The following PDGFD variants were observed in gnomAD, a reference collection of about 807,000 sequenced individuals.
PDGFD encodes platelet-derived growth factor D.
PDGFD carries 30 observed loss-of-function variants against 44.7 expected under a neutral mutation model. The observed-to-expected ratio is 0.67, with a 90% CI of 0.50 to 0.91. The LOEUF is 0.91. Among genes scored for constraint, PDGFD ranks in the 40% least tolerant of loss-of-function variants. The probability of loss-of-function intolerance (pLI) is 0.00; values close to 1 mark genes in which losing one functional copy is unlikely to be tolerated. For synonymous variants in PDGFD, 173 were observed against 168.4 expected (o/e 1.03, Z -0.21); for missense variants, 445 against 457.8 (o/e 0.97, Z 0.25).
At chr11:103,947,053 G>C (rs936744406) in intron 4 of PDGFD, among the ~76,000 whole-genome samples, 1 of 152,148 alleles carries the variant, frequency 6.6e-6, no homozygotes, top group African/African-American at 2.4e-5. Context: ...ACATAGGATT[G>C]GTGAAAACAA....
At chr11:104,098,856 A>T (rs971286359) in intron 1 of PDGFD, among the ~76,000 whole-genome samples, 1 of 152,028 alleles carries the variant, frequency 6.6e-6, no homozygotes, top group East Asian at 1.9e-4. Context: ...AAAATGCACA[A>T]TGTTATACAG....
Position 104,017,351 on chromosome 11 carries a change from TTTTTTG to T in PDGFD, c.125-17102_125-17097del, listed in dbSNP as rs1859874097. On this transcript the variant is annotated intron_variant, in intron 1 of 6. Coordinates refer to ENST00000393158, the MANE Select transcript of PDGFD (RefSeq NM_025208.5). ...AACATTCCTTGGGTGTTTTTCCGTT[TTTTTTG>T]TTTTTTTTTAAATTATCCAGTATAT... Among the ~76,000 whole-genome samples, 4 of 152,126 alleles carry T rather than the reference TTTTTTG, an allele frequency of 2.6e-5. No homozygotes were observed. In the South Asian group the frequency reaches 8.3e-4, roughly 32 times the overall value.
chr11:104,160,983 A>G (rs1425316453), intron 1 of PDGFD, among the ~76,000 whole-genome samples: 1 of 152,134 alleles, frequency 6.6e-6, no homozygotes, highest in Non-Finnish European at 1.5e-5. Context: ...GTTTTACTGT[A>G]TTAGGCTGGA....
At chr11:104,152,530 T>C (rs1862261315) in intron 1 of PDGFD, among the ~76,000 whole-genome samples, 1 of 152,134 alleles carries the variant, frequency 6.6e-6, no homozygotes, top group Non-Finnish European at 1.5e-5. Context: ...CCTTAATTTA[T>C]TTTTACCTCT....
At chr11:103,974,590 C>T (rs532424413) in intron 3 of PDGFD, among the ~76,000 whole-genome samples, 75 of 152,180 alleles carry the variant, frequency 4.9e-4, no homozygotes, top group African/African-American at 8.9e-4. Flanking sequence ...TTAAGCCCCG[C>T]GTGCATTAGG....
intron 1 of PDGFD, among the ~76,000 whole-genome samples, chr11:104,003,485 A>G (rs1859650511): frequency 6.6e-6 from 1 of 152,224 alleles, no homozygotes; most frequent in South Asian, 2.1e-4. Context: ...TGAGGGTAAC[A>G]AGGTCCTATT....
intron 1 of PDGFD, among the ~76,000 whole-genome samples, chr11:104,023,079 T>C (rs1434061213): frequency 6.6e-6 from 1 of 152,142 alleles, no homozygotes; most frequent in Non-Finnish European, 1.5e-5. Flanking sequence ...GTTACAGTCA[T>C]TTTGGGGGGC....
chr11:103,928,558 C>A (rs913937229), intron 5 of PDGFD, among the ~76,000 whole-genome samples: 3 of 152,206 alleles, frequency 2.0e-5, no homozygotes, highest in Non-Finnish European at 4.4e-5. Flanking sequence ...CCACTAACCG[C>A]ATCCCTGTTT....
intron 1 of PDGFD, among the ~76,000 whole-genome samples, chr11:104,042,839 C>T (rs1032654117): frequency 2.6e-5 from 4 of 152,152 alleles, no homozygotes; most frequent in African/African-American, 7.2e-5. Context: ...TATAAAGATC[C>T]GTTAAGATGC....
chr11:104,127,420 G>C (rs536571224), intron 1 of PDGFD, among the ~76,000 whole-genome samples: 1 of 152,206 alleles, frequency 6.6e-6, no homozygotes, highest in South Asian at 2.1e-4. Context: ...ATAGACACAA[G>C]GGGAAAAAGT....
intron 1 of PDGFD, among the ~76,000 whole-genome samples, chr11:104,101,005 G>C (rs1198400567): frequency 2.0e-5 from 3 of 152,232 alleles, no homozygotes; most frequent in Non-Finnish European, 4.4e-5. Context: ...ATACTGAATG[G>C]GCAAAAACTG....
chr11:104,057,594 T>C (rs926664110), intron 1 of PDGFD, among the ~76,000 whole-genome samples: 7 of 152,152 alleles, frequency 4.6e-5, no homozygotes, highest in Non-Finnish European at 8.8e-5. Context: ...ACCTGGGCAA[T>C]GGGATCATTC....
chr11:104,057,806 T>G (rs535767167), intron 1 of PDGFD, among the ~76,000 whole-genome samples: 1 of 152,322 alleles, frequency 6.6e-6, no homozygotes, highest in South Asian at 2.1e-4. Context: ...TAATTTGATA[T>G]TATCATAAAG....
At chr11:103,969,430 T>C (rs1291104416) in intron 3 of PDGFD, among the ~76,000 whole-genome samples, 1 of 150,484 alleles carries the variant, frequency 6.6e-6, no homozygotes, top group Admixed American at 6.6e-5. Flanking sequence ...ACTACTTCCT[T>C]GGCAGAAAGA....
chr11:103,998,209 C>T (rs1310749825), intron 2 of PDGFD, among the ~76,000 whole-genome samples: 1 of 152,098 alleles, frequency 6.6e-6, no homozygotes, highest in African/African-American at 2.4e-5. Flanking sequence ...TCATAATAAG[C>T]CCCCTTCCAA....
At position 104,107,937 on chromosome 11, in the gene PDGFD, C is replaced by T. The variant is rs144858193; in HGVS notation, c.124+55867G>A. On this transcript the variant is annotated intron_variant, in intron 1 of 6. Transcript: ENST00000393158. ...CCATCATTAATTTAACTAAGAGAAA[C>T]ATGTCCGTATCATCAGCTACATACA... 3.3e-3 allele frequency among the ~76,000 whole-genome samples: 506 copies of T among 152,168 alleles called. 1 individual carries two copies. The highest frequency in any genetic ancestry group is 4.6e-3 in the Non-Finnish European group (311 of 68,006).
At chr11:103,926,798 A>G in intron 6 of PDGFD, 114 bp downstream of exon 6, 1 of 1,114,630 alleles carries the variant, frequency 9.0e-7, no homozygotes, top group Non-Finnish European at 1.3e-6. Context: ...TCCTAATCAA[A>G]CCCTGGCTGG....
At chr11:103,918,796 AG>A (rs1276367142) in intron 6 of PDGFD, among the ~76,000 whole-genome samples, 4 of 152,198 alleles carry the variant, frequency 2.6e-5, no homozygotes, top group Non-Finnish European at 2.9e-5. Context: ...TAATAGTCTT[AG>A]GTTCAGGTAC....
Position 104,047,600 on chromosome 11 carries a change from T to C in PDGFD, c.125-47345A>G. ...TTGATGGGGTTGTTTGCAGGTTACATTATTTTTTAAAAAAATAAGGAAAAA... is the reference window on the plus strand; with the variant it reads ...TTGATGGGGTTGTTTGCAGGTTACACTATTTTTTAAAAAAATAAGGAAAAA... On this transcript the variant is annotated intron_variant, in intron 1 of 6. Transcript: ENST00000393158. Among the ~76,000 whole-genome samples the C allele has an allele frequency of 1.4e-5, 2 of 147,482 alleles. 1 individual carries two copies. The highest frequency in any genetic ancestry group is 3.0e-5 in the Non-Finnish European group (2 of 66,058).
Sources: gnomAD v4.1 joint callset for allele counts (sites outside exome capture counted in the v4.1 genomes callset) on GRCh38, gnomAD v4.1.1 for gene constraint, MANE v1.5 for transcripts, NCBI Gene and HGNC (gene_info 2026-07-23, HGNC 2026-07-21) for gene names.